The following TPM1 variants were observed in gnomAD, a reference collection of about 807,000 sequenced individuals.
TPM1 encodes tropomyosin 1.
Under a neutral mutation model 42.9 loss-of-function variants are expected in TPM1, and 24 were observed. The observed-to-expected ratio is 0.56, with a 90% confidence interval of 0.41 to 0.79. The LOEUF is 0.79. Among genes scored for constraint, TPM1 ranks in the 30% least tolerant of loss-of-function variants. The pLI, the probability that TPM1 is intolerant of heterozygous loss-of-function variation, is 0.00. For synonymous variants in TPM1, 136 were observed against 130.1 expected, an observed-to-expected ratio of 1.05 and a Z score of -0.31; for missense variants, 158 against 351.8, an observed-to-expected ratio of 0.45 and a Z score of 4.41.
In TPM1 at chr15:63,046,657, T is replaced by C. The variant is rs1596310936; in HGVS notation, c.240+2505T>C. The C allele has an allele frequency of 3.9e-5, 6 of 152,674 alleles. No homozygotes were observed. In the South Asian group the frequency reaches 1.2e-3, roughly 32 times the overall value. 9.5% of individuals were successfully genotyped at this position (152,674 alleles called of 1,614,324 possible). On this transcript the variant is annotated intron_variant, in intron 2 of 9. Transcript: ENST00000403994. The stretch of plus-strand genomic sequence containing the variant: ...AGGCTGAAGGGGATCGAAGACTCCA[T>C]TTTTTTCTGGCCCCCAATCTCTTCC...
chr15:63,059,875 T>A (rs1290751158), intron 4 of TPM1, 195 bp downstream of exon 4: 1 of 441,244 alleles, frequency 2.3e-6, no homozygotes, highest in Non-Finnish European at 4.3e-6. Context: ...CCAGGCTTTA[T>A]CAGGAAGCCA....
intron 5 of TPM1, 125 bp downstream of exon 5, chr15:63,061,064 G>A: frequency 1.4e-6 from 2 of 1,463,748 alleles, no homozygotes; most frequent in South Asian, 2.3e-5. Flanking sequence ...CTCATTTGAT[G>A]TGGATGAGCC....
At position 63,062,818 on chromosome 15, in the gene TPM1, C is replaced by T. The variant is rs1042759511; in HGVS notation, c.772+173C>T. ...GGCTCTTGAACTCATGAACCTAAGT[C>T]TTCTGCTCACGAGGTGACTAGTTAG... is the stretch of plus-strand genomic sequence containing the variant. On this transcript the variant is annotated intron_variant, in intron 8 of 9. Coordinates refer to ENST00000403994, the MANE Select transcript of TPM1 (RefSeq NM_001018005.2). 5.9e-6 allele frequency: 9 copies of T among 1,537,878 alleles called. No homozygotes were observed. The African/African-American group carries it at 1.2e-4, about 21-fold the overall frequency.
At chr15:63,058,417 A>G (rs1470794200) in intron 3 of TPM1, among the ~76,000 whole-genome samples, 1 of 152,212 alleles carries the variant, frequency 6.6e-6, no homozygotes, top group East Asian at 1.9e-4. Context: ...CTTCATCAAA[A>G]GATAGTGGGC....
intron 9 of TPM1, 65 bp downstream of exon 9, chr15:63,064,207 C>T (rs1353279352): frequency 6.3e-7 from 1 of 1,578,900 alleles, no homozygotes. Context: ...AACTCACCAC[C>T]ATGCCTTCCT....
chr15:63,064,187 T>C (rs1159390772), intron 9 of TPM1, 45 bp downstream of exon 9: 1 of 1,597,604 alleles, frequency 6.3e-7, no homozygotes, highest in East Asian at 2.3e-5. Flanking sequence ...GCCCTCATGC[T>C]AATGTAATAA....
chr15:63,050,108 G>C (rs955875637), intron 2 of TPM1, among the ~76,000 whole-genome samples: 2 of 152,230 alleles, frequency 1.3e-5, no homozygotes, highest in Non-Finnish European at 2.9e-5. Context: ...GAGTTACTAT[G>C]TAAAGACAGT....
At chr15:63,063,988 A>C in intron 8 of TPM1, 76 bp from the exon 9 acceptor site, 1 of 1,588,532 alleles carries the variant, frequency 6.3e-7, no homozygotes, top group Non-Finnish European at 8.6e-7. Flanking sequence ...TGGTGCGCGC[A>C]CCACCCTCAC....
intron 2 of TPM1, 108 bp downstream of exon 2, chr15:63,044,260 A>T (rs1403220111): frequency 4.6e-6 from 7 of 1,527,842 alleles, no homozygotes; most frequent in Non-Finnish European, 6.3e-6. Context: ...CCTGCTGGAC[A>T]CCTGCACACA....
At chr15:63,052,217 C>T (rs1314546749) in intron 2 of TPM1, among the ~76,000 whole-genome samples, 1 of 152,190 alleles carries the variant, frequency 6.6e-6, no homozygotes, top group Non-Finnish European at 1.5e-5. Flanking sequence ...AGCACATGGG[C>T]TGCTGTTAGA....
downstream of TPM1, among the ~76,000 whole-genome samples, chr15:63,069,459 A>G (rs1012525907): frequency 2.0e-5 from 3 of 152,200 alleles, no homozygotes; most frequent in Non-Finnish European, 2.9e-5. Context: ...CTTAAGTTCA[A>G]CACTGAGCCC....
Position 63,062,660 on chromosome 15 carries a change from A to G in TPM1, c.772+15A>G, listed in dbSNP as rs764753829. The G allele has an allele frequency of 4.3e-6, 7 of 1,614,256 alleles. No homozygotes were observed. In the South Asian group the frequency reaches 7.7e-5, roughly 18 times the overall value. On this transcript the variant is annotated intron_variant, in intron 8 of 9. Transcript: ENST00000403994. ...TGACTTAGAAGGTAAGATCTTAAGT[A>G]GTGTTTTTAGTTTAATCCTTATGGT...
At chr15:63,048,886 T>C in intron 2 of TPM1, 1 of 774,024 alleles carries the variant, frequency 1.3e-6, no homozygotes, top group Non-Finnish European at 2.1e-6. Context: ...CGGCCTGTTC[T>C]CCTGAGCCTT....
intron 2 of TPM1, 131 bp downstream of exon 2, chr15:63,044,283 C>A: frequency 7.3e-7 from 1 of 1,374,798 alleles, no homozygotes; most frequent in Non-Finnish European, 1.0e-6. Context: ...CCTGCCATGG[C>A]CCAGAGCATT....
At chr15:63,047,216 TGA>T (rs2032568193) in intron 2 of TPM1, 1 of 152,250 alleles carries the variant, frequency 6.6e-6, no homozygotes, top group Non-Finnish European at 1.5e-5. Flanking sequence ...CTGGGATTTG[TGA>T]GAGTCTCAGC....
chr15:63,048,411 G>A, intron 2 of TPM1: 1 of 1,352,390 alleles, frequency 7.4e-7, no homozygotes, highest in Non-Finnish European at 9.4e-7. Flanking sequence ...TGGAGGCTGC[G>A]ACTTCCGGAC....
chr15:63,048,161 C>T, intron 2 of TPM1: 1 of 446,326 alleles, frequency 2.2e-6, no homozygotes, highest in South Asian at 1.6e-5. Flanking sequence ...TTGCCCTTAG[C>T]AGCCAGCTCC....
chr15:63,071,126 T>G, downstream of TPM1: 1 of 1,614,208 alleles, frequency 6.2e-7, no homozygotes, highest in Non-Finnish European at 8.5e-7. Flanking sequence ...AACCTTAGTA[T>G]GCATCAGATG....
At chr15:63,059,945 A>G (rs1197442087) in intron 4 of TPM1, 1 of 362,278 alleles carries the variant, frequency 2.8e-6, no homozygotes, top group Non-Finnish European at 5.4e-6. Context: ...AGACCCGGAC[A>G]AAAGATCTTT....
Sources: allele counts gnomAD v4.1 joint callset (sites outside exome capture counted in the v4.1 genomes callset), GRCh38; gene constraint gnomAD v4.1.1; transcripts MANE v1.5; gene names NCBI Gene and HGNC (gene_info 2026-07-23, HGNC 2026-07-21).